PRKN: variants seen among roughly 807,000 people sequenced by gnomAD.
PRKN encodes E3 ubiquitin-protein ligase parkin.
Under a neutral mutation model 59.5 loss-of-function variants are expected in PRKN, and 56 were observed. The observed-to-expected ratio is 0.94, with a 90% CI of 0.76 to 1.18. The LOEUF (loss-of-function observed/expected upper bound fraction) is 1.18, where lower values mean the gene tolerates loss of function less well. Ranked by LOEUF, PRKN falls within the 50% of genes most tolerant of loss-of-function variation. The pLI, the probability that PRKN is intolerant of heterozygous loss-of-function variation, is 0.00. For missense variants in PRKN, 657 were observed against 596.4 expected (o/e 1.10, Z -1.06); for synonymous variants, 250 against 222.1 (o/e 1.13, Z -1.12).
At chr6:161,430,581 C>T (rs947603967) in intron 9 of PRKN, among the ~76,000 whole-genome samples, 15 of 151,864 alleles carry the variant, frequency 9.9e-5, no homozygotes, top group African/African-American at 2.4e-4. Context: ...TTTGGGGGGC[C>T]GAGGCGGGTG....
At chr6:161,860,321 T>C (rs1449529881) in intron 6 of PRKN, among the ~76,000 whole-genome samples, 5 of 152,192 alleles carry the variant, frequency 3.3e-5, no homozygotes, top group African/African-American at 9.6e-5. Context: ...GACCCTTTCT[T>C]TGGGTAAGTG....
intron 5 of PRKN, among the ~76,000 whole-genome samples, chr6:161,989,535 T>C (rs574685828): frequency 6.6e-6 from 1 of 152,202 alleles, no homozygotes; most frequent in East Asian, 1.9e-4. Context: ...ATAGGTCAGT[T>C]ACACCCCCCA....
intron 6 of PRKN, among the ~76,000 whole-genome samples, chr6:161,874,878 A>AAATATAT (rs1187607377): frequency 6.4e-5 from 7 of 109,248 alleles, no homozygotes; most frequent in South Asian, 3.0e-4. Flanking sequence ...GTAAAATATA[A>AAATATAT]AATATATAAT....
intron 2 of PRKN, among the ~76,000 whole-genome samples, chr6:162,373,079 G>A (rs143043286): frequency 2.6e-5 from 4 of 152,234 alleles, no homozygotes; most frequent in Non-Finnish European, 4.4e-5. Context: ...GACTAAGACA[G>A]TGAGGAGAAA....
intron 1 of PRKN, among the ~76,000 whole-genome samples, chr6:162,716,788 A>G (rs77344538): frequency 1.6e-3 from 127 of 80,222 alleles, no homozygotes; most frequent in Middle Eastern, 5.7e-3. Flanking sequence ...ACACACGCGC[A>G]CACACACACA....
intron 6 of PRKN, among the ~76,000 whole-genome samples, chr6:161,879,370 G>T (rs1221092167): frequency 7.3e-6 from 1 of 136,832 alleles, no homozygotes; most frequent in Non-Finnish European, 1.5e-5. Flanking sequence ...TTGAGATGGA[G>T]TCTTGCTCTG....
chr6:162,615,031 TGGAA>T (rs1782345100), intron 1 of PRKN, among the ~76,000 whole-genome samples: 1 of 152,154 alleles, frequency 6.6e-6, no homozygotes, highest in Admixed American at 6.5e-5. Context: ...ACACCTCAGC[TGGAA>T]GAAGATCATT....
At chr6:162,201,318 TA>T in intron 3 of PRKN, 66 bp from the exon 4 acceptor site, 2 of 1,560,450 alleles carry the variant, frequency 1.3e-6, no homozygotes, top group South Asian at 2.2e-5. Context: ...AGAAACTCTT[TA>T]AAAGCTTGTT....
chr6:162,531,773 G>C (rs1778525409), intron 1 of PRKN, among the ~76,000 whole-genome samples: 1 of 152,066 alleles, frequency 6.6e-6, no homozygotes, highest in Admixed American at 6.6e-5. Context: ...CTAGTCCCCA[G>C]GCAAGAAGGA....
At chr6:162,118,363 G>A (rs532249551) in intron 4 of PRKN, among the ~76,000 whole-genome samples, 6 of 151,802 alleles carry the variant, frequency 4.0e-5, no homozygotes, top group African/African-American at 1.2e-4. Context: ...CCGAGAACGC[G>A]CCACTGCACT....
At chr6:162,010,976 T>A (rs1403843411) in intron 5 of PRKN, among the ~76,000 whole-genome samples, 1 of 21,492 alleles carries the variant, frequency 4.7e-5, no homozygotes, top group African/African-American at 2.3e-4. Context: ...TAATATAAAA[T>A]ATATAATATA....
chr6:162,034,012 A>T (rs1450917024), intron 5 of PRKN, among the ~76,000 whole-genome samples: 1 of 152,112 alleles, frequency 6.6e-6, no homozygotes, highest in Non-Finnish European at 1.5e-5. Context: ...AATTCAGATA[A>T]TGTAGTATAA....
At chr6:162,612,073 G>T (rs1317286964) in intron 1 of PRKN, among the ~76,000 whole-genome samples, 6 of 150,706 alleles carry the variant, frequency 4.0e-5, no homozygotes, top group Non-Finnish European at 8.9e-5. Context: ...GGCGCCTGTA[G>T]TCCCAGCTAC....
chr6:162,037,537 C>A lies in PRKN; in HGVS notation c.618+16554G>T, dbSNP rs545630155. Among the ~76,000 whole-genome samples the A allele has an allele frequency of 6.0e-3, 908 of 151,852 alleles. 8 individuals carry two copies. The highest frequency in any genetic ancestry group is 0.021 in the African/African-American group (852 of 41,456). On this transcript the variant is annotated intron_variant, in intron 5 of 11. Transcript: ENST00000366898. ...AGGCGGTTTGATTCAAGAGGTTTTA[C>A]CCTCTGCTTTTTTTTTTTTTTTGGT...
intron 2 of PRKN, among the ~76,000 whole-genome samples, chr6:162,293,794 A>G (rs1030995615): frequency 6.6e-6 from 1 of 152,142 alleles, no homozygotes; most frequent in Non-Finnish European, 1.5e-5. Context: ...AGAAAGAGAG[A>G]GAGACAGAGG....
intron 4 of PRKN, among the ~76,000 whole-genome samples, chr6:162,061,417 A>G (rs1778100958): frequency 6.6e-6 from 1 of 152,224 alleles, no homozygotes; most frequent in Non-Finnish European, 1.5e-5. Context: ...CTGAGCAGTA[A>G]GAAGCCCTTT....
intron 1 of PRKN, among the ~76,000 whole-genome samples, chr6:162,716,133 T>C (rs1778710742): frequency 6.6e-6 from 1 of 152,228 alleles, no homozygotes; most frequent in Admixed American, 6.5e-5. Flanking sequence ...ATTTAACATT[T>C]TCTTTTTTCA....
At chr6:162,557,462 G>A (rs907134624) in intron 1 of PRKN, among the ~76,000 whole-genome samples, 1 of 152,168 alleles carries the variant, frequency 6.6e-6, no homozygotes. Flanking sequence ...CTCTTCAGGC[G>A]TTGACCATAA....
At chr6:162,386,180 G>A (rs1786796245) in intron 2 of PRKN, among the ~76,000 whole-genome samples, 1 of 152,162 alleles carries the variant, frequency 6.6e-6, no homozygotes, top group Non-Finnish European at 1.5e-5. Flanking sequence ...GATGTATTGT[G>A]GAAAATGCTG....
Sources: allele counts gnomAD v4.1 joint callset (sites outside exome capture counted in the v4.1 genomes callset), GRCh38; gene constraint gnomAD v4.1.1; transcripts MANE v1.5; gene names NCBI Gene and HGNC (gene_info 2026-07-23, HGNC 2026-07-21).